The following ATRN variants were observed in gnomAD, a reference collection of about 807,000 sequenced individuals.
ATRN encodes attractin-2.
In ATRN, 54 loss-of-function variants were observed where a neutral mutation model predicts 178.7. The observed-to-expected ratio is 0.30, with a 90% CI of 0.24 to 0.38. The LOEUF (loss-of-function observed/expected upper bound fraction) is 0.38, where lower values mean the gene tolerates loss of function less well. Ranked by LOEUF, ATRN falls within the 10% of genes least tolerant of loss-of-function variation. ATRN has a pLI of 1.00. For missense variants in ATRN, 1,443 were observed against 1,815.1 expected (o/e 0.79, Z 3.73); for synonymous variants, 636 against 663.0 (o/e 0.96, Z 0.63).
intron 3 of ATRN, among the ~76,000 whole-genome samples, chr20:3,544,239 T>G (rs2085666002): frequency 6.6e-6 from 1 of 152,172 alleles, no homozygotes; most frequent in African/African-American, 2.4e-5. Flanking sequence ...GTTGAGCTTC[T>G]TGTTAGTCCC....
At chr20:3,568,289 C>CCA (rs2086067072) in intron 11 of ATRN, among the ~76,000 whole-genome samples, 1 of 118,500 alleles carries the variant, frequency 8.4e-6, no homozygotes, top group African/African-American at 3.2e-5. Flanking sequence ...GAGACTGTGT[C>CCA]AAAAAAAAAA....
chr20:3,477,083 G>C (rs2084542188), intron 1 of ATRN, among the ~76,000 whole-genome samples: 1 of 128,046 alleles, frequency 7.8e-6, no homozygotes, highest in Admixed American at 7.5e-5. Context: ...GCTTTCCCCA[G>C]TGCAATGTAA....
rs143869990 is a variant in ATRN, at chr20:3,486,539, T to C, written c.410+15022T>C. ...TCTGGTGCTTCACCTTCCTGAGTAG[T>C]TGAAATTACAGTTGTGTGCCACTTT... is the stretch of plus-strand genomic sequence containing the variant. On this transcript the variant is annotated intron_variant, in intron 1 of 28. Transcript: ENST00000262919. Among the ~76,000 whole-genome samples, 256 of 152,210 alleles carry C rather than the reference T, an allele frequency of 1.7e-3. 1 individual carries two copies. Among genetic ancestry groups the C allele is most frequent in the African/African-American group, 5.8e-3 (242 of 41,520 alleles).
chr20:3,582,246 G>A lies in ATRN; in HGVS notation c.2656G>A (p.Glu886Lys), dbSNP rs1330473599. ...TAGTTTACTACAGTGGATGCCGTCT[G>A]AGCCCAGTGATGCTGGATTCTGTGG... ...TNSLLQWMPSEPSDAGFCGIL... is the reference protein window; with the variant it reads ...TNSLLQWMPSKPSDAGFCGIL... Residue 886 changes from glutamate to lysine, a missense_variant, in exon 16 of 29, where the codon GAG becomes AAG. Glu to Lys is a moderately conservative substitution (Grantham distance 56). Transcript: ENST00000262919. 2.5e-6 allele frequency: 4 copies of A among 1,613,772 alleles called. No individual in the cohort carries two copies. The highest frequency in any genetic ancestry group is 3.4e-6 in the Non-Finnish European group (4 of 1,180,038).
intron 5 of ATRN, among the ~76,000 whole-genome samples, chr20:3,548,622 A>C (rs1218078775): frequency 6.8e-6 from 1 of 147,108 alleles, no homozygotes; most frequent in Non-Finnish European, 1.5e-5. Context: ...AAAAAAAAAG[A>C]TAATACAAAT....
chr20:3,599,653 A>G (rs115750651), intron 22 of ATRN, among the ~76,000 whole-genome samples: 3,453 of 152,296 alleles, frequency 0.023, 48 homozygotes, highest in Middle Eastern at 0.068. Flanking sequence ...GAGTATACAG[A>G]GGGTGGACTT....
chr20:3,480,964 T>G (rs897273690), intron 1 of ATRN, among the ~76,000 whole-genome samples: 1 of 152,190 alleles, frequency 6.6e-6, no homozygotes, highest in Non-Finnish European at 1.5e-5. Flanking sequence ...CTTTTTGAAA[T>G]ACTTGTGTCT....
intron 1 of ATRN, among the ~76,000 whole-genome samples, chr20:3,530,840 T>C (rs2085443712): frequency 6.6e-6 from 1 of 152,118 alleles, no homozygotes; most frequent in African/African-American, 2.4e-5. Flanking sequence ...ACTGGTAAAG[T>C]AGAAAGAAAT....
chr20:3,588,884 T>C (rs951581509), intron 18 of ATRN, among the ~76,000 whole-genome samples: 5 of 152,152 alleles, frequency 3.3e-5, no homozygotes, highest in Non-Finnish European at 7.3e-5. Context: ...AGATTTTCTT[T>C]TTCTGAGTGA....
chr20:3,561,071 A>C (rs1030573122), intron 8 of ATRN, among the ~76,000 whole-genome samples, 166 bp downstream of exon 8: 1 of 152,232 alleles, frequency 6.6e-6, no homozygotes, highest in African/African-American at 2.4e-5. Context: ...CTGTAATCCC[A>C]GCACTTTGGG....
intron 1 of ATRN, among the ~76,000 whole-genome samples, chr20:3,492,306 A>T (rs238721): frequency 1.3e-5 from 2 of 151,690 alleles, no homozygotes; most frequent in African/African-American, 2.4e-5. Context: ...TTGGCTTCGC[A>T]GGTGAGAGGA....
At chr20:3,483,610 G>A (rs2084651655) in intron 1 of ATRN, among the ~76,000 whole-genome samples, 1 of 152,172 alleles carries the variant, frequency 6.6e-6, no homozygotes, top group African/African-American at 2.4e-5. Flanking sequence ...GGCTCTCAGA[G>A]TGCTGGGATT....
At chr20:3,634,686 T>C (rs968436172) in intron 26 of ATRN, among the ~76,000 whole-genome samples, 1 of 152,204 alleles carries the variant, frequency 6.6e-6, no homozygotes, top group African/African-American at 2.4e-5. Context: ...ACCCAAGTCC[T>C]GACTGAGGCC....
At chr20:3,601,141 A>T in intron 23 of ATRN, 117 bp downstream of exon 23, 2 of 788,460 alleles carry the variant, frequency 2.5e-6, no homozygotes, top group Non-Finnish European at 2.1e-6. Flanking sequence ...CACCCTTGCC[A>T]CTTACTAGCT....
intron 6 of ATRN, among the ~76,000 whole-genome samples, chr20:3,557,348 C>G (rs114595457): frequency 6.6e-6 from 1 of 152,302 alleles, no homozygotes; most frequent in African/African-American, 2.4e-5. Flanking sequence ...TGGCCACAGA[C>G]TTCTCCGTAG....
chr20:3,616,843 G>A (rs1342457503), intron 24 of ATRN, among the ~76,000 whole-genome samples: 3 of 151,990 alleles, frequency 2.0e-5, no homozygotes, highest in South Asian at 2.1e-4. Flanking sequence ...CCAGGGAAGG[G>A]GACCATCTGA....
chr20:3,539,301 C>T (rs1009652868), intron 2 of ATRN, among the ~76,000 whole-genome samples: 1 of 152,004 alleles, frequency 6.6e-6, no homozygotes, highest in Non-Finnish European at 1.5e-5. Flanking sequence ...AAGTCTTCTG[C>T]GAAGTTTTAC....
At chr20:3,501,733 T>TG (rs1313393518) in intron 1 of ATRN, among the ~76,000 whole-genome samples, 2 of 152,084 alleles carry the variant, frequency 1.3e-5, no homozygotes, top group African/African-American at 2.4e-5. Context: ...GCTTTTCCCT[T>TG]GGGGGGACTG....
At chr20:3,634,214 G>A (rs1423846767) in intron 25 of ATRN, 97 bp from the exon 26 acceptor site, 2 of 1,051,850 alleles carry the variant, frequency 1.9e-6, no homozygotes, top group East Asian at 2.4e-5. Flanking sequence ...GAGGTGGCAT[G>A]TGGGAGCTGT....
Sources: allele counts gnomAD v4.1 joint callset (sites outside exome capture counted in the v4.1 genomes callset), GRCh38; gene constraint gnomAD v4.1.1; transcripts MANE v1.5; gene names NCBI Gene and HGNC (gene_info 2026-07-23, HGNC 2026-07-21).